The following AMBRA1 variants were observed in gnomAD, a reference collection of about 807,000 sequenced individuals.
AMBRA1 encodes autophagy and beclin 1 regulator 1.
A neutral mutation model predicts 125.4 loss-of-function variants in AMBRA1; 47 were observed. The ratio of observed to expected loss-of-function variants is 0.37; its 90% CI spans 0.30 to 0.48. The LOEUF is 0.48. AMBRA1 is among the 20% of genes least tolerant of loss of function. The probability of loss-of-function intolerance (pLI) is 0.99; values close to 1 mark genes in which losing one functional copy is unlikely to be tolerated. For synonymous variants in AMBRA1, 626 were observed against 655.5 expected (o/e 0.95, Z 0.69); for missense variants, 1,331 against 1,693.4 (o/e 0.79, Z 3.76).
At chr11:46,473,382 T>G (rs1351984682) in intron 11 of AMBRA1, among the ~76,000 whole-genome samples, 1 of 152,208 alleles carries the variant, frequency 6.6e-6, no homozygotes, top group Non-Finnish European at 1.5e-5. Flanking sequence ...TTTAGGTGTG[T>G]TTAAGTGACA....
intron 7 of AMBRA1, among the ~76,000 whole-genome samples, chr11:46,536,803 A>C (rs1356477354): frequency 2.0e-5 from 3 of 152,252 alleles, no homozygotes; most frequent in Non-Finnish European, 1.5e-5. Flanking sequence ...TAAGAAACTT[A>C]GCAATCCAAT....
At chr11:46,487,618 T>A (rs912785598) in intron 11 of AMBRA1, among the ~76,000 whole-genome samples, 1 of 152,160 alleles carries the variant, frequency 6.6e-6, no homozygotes, top group Non-Finnish European at 1.5e-5. Flanking sequence ...AATGTTTCTA[T>A]ATCTTACCAG....
At chr11:46,476,291 T>C (rs901728412) in intron 11 of AMBRA1, among the ~76,000 whole-genome samples, 1 of 152,158 alleles carries the variant, frequency 6.6e-6, no homozygotes, top group African/African-American at 2.4e-5. Context: ...AGTCTCAGGG[T>C]TGGCAGGTGA....
At chr11:46,429,441 T>TG (rs1471318368) in intron 14 of AMBRA1, among the ~76,000 whole-genome samples, 46 of 152,120 alleles carry the variant, frequency 3.0e-4, no homozygotes, top group Admixed American at 2.5e-3. Flanking sequence ...TATTGGGAGG[T>TG]GGGGGGGTGG....
intron 11 of AMBRA1, among the ~76,000 whole-genome samples, chr11:46,486,869 G>A (rs953922461): frequency 5.9e-5 from 9 of 151,814 alleles, no homozygotes; most frequent in African/African-American, 9.7e-5. Context: ...TCGTGCCACT[G>A]CACTCCAGCC....
rs567373838 is a variant in AMBRA1, at chr11:46,528,780, C to T, written c.2072+13165G>A. Among the ~76,000 whole-genome samples the T allele has an allele frequency of 1.2e-4, 18 of 152,188 alleles. No homozygotes were observed. The South Asian group carries it at 1.7e-3, about 14-fold the overall frequency. On this transcript the variant is annotated intron_variant, in intron 7 of 17. Coordinates refer to ENST00000683756, the MANE Select transcript of AMBRA1 (RefSeq NM_001387011.1). Reference sequence around the variant, plus strand: ...TGTTATGTTTTCTATCACAGACACACGTACACGAAGATAAAAAGGGTTACA... The same window carrying T: ...TGTTATGTTTTCTATCACAGACACATGTACACGAAGATAAAAAGGGTTACA...
In AMBRA1 at chr11:46,545,775, C is replaced by A; in HGVS notation, c.380G>T (p.Gly127Val). Reference protein sequence around the residue: ...DGEVRIWDLHGGSESWFTDSN... With the variant: ...DGEVRIWDLHVGSESWFTDSN... ...ATCTGTGAACCAGCTTTCACTGCCA[C>A]CCTGTGAATGAACCAATTCCAGATA... The change falls in exon 5 of 18, where the codon GGT becomes GTT. Residue 127 changes from glycine to valine, a missense_variant and splice_region_variant. Coordinates refer to ENST00000683756, the MANE Select transcript of AMBRA1 (RefSeq NM_001387011.1). 6.2e-7 allele frequency: 1 copy of A among 1,613,750 alleles called. No homozygotes were observed. The highest frequency in any genetic ancestry group is 8.5e-7 in the Non-Finnish European group (1 of 1,179,764).
chr11:46,441,721 C>T (rs1232211603), intron 12 of AMBRA1, among the ~76,000 whole-genome samples: 3 of 152,056 alleles, frequency 2.0e-5, no homozygotes, highest in African/African-American at 7.2e-5. Flanking sequence ...TTCTGCCCTC[C>T]TCCACTGAAA....
rs537234459 is a variant in AMBRA1, at chr11:46,511,105, C to A, written c.2159+1622G>T. Among the ~76,000 whole-genome samples, 5 of 152,278 alleles carry A rather than the reference C, an allele frequency of 3.3e-5. No individual in the cohort carries two copies. In the East Asian group the frequency reaches 9.6e-4, roughly 29 times the overall value. On this transcript the variant is annotated intron_variant, in intron 8 of 17. Coordinates refer to ENST00000683756, the MANE Select transcript of AMBRA1 (RefSeq NM_001387011.1). ...TTTATTATATAAAAGGAGGATAAATCATGGTCGTTAAGTATCCTTGTAGAA... is the reference window on the plus strand; with the variant it reads ...TTTATTATATAAAAGGAGGATAAATAATGGTCGTTAAGTATCCTTGTAGAA...
chr11:46,528,911 A>C (rs1952096267), intron 7 of AMBRA1, among the ~76,000 whole-genome samples: 1 of 152,184 alleles, frequency 6.6e-6, no homozygotes, highest in Non-Finnish European at 1.5e-5. Context: ...ACCTCTGTGT[A>C]GGGGAGGAAA....
intron 4 of AMBRA1, 26 bp downstream of exon 4, chr11:46,547,087 A>G (rs201599930): frequency 3.2e-6 from 5 of 1,567,014 alleles, no homozygotes; most frequent in Non-Finnish European, 3.4e-6. Context: ...CACCAAAAGA[A>G]AAGGGTATCT....
chr11:46,454,238 T>C lies in AMBRA1; in HGVS notation c.2522-10640A>G, dbSNP rs1217948165. Among the ~76,000 whole-genome samples, 4 of 151,878 alleles carry C rather than the reference T, an allele frequency of 2.6e-5. No individual in the cohort carries two copies. The East Asian group carries it at 7.9e-4, about 30-fold the overall frequency. ...GAGACGGGGTCTTGCTGTGTTGCCC[T>C]AGCTGATCTCAAACTCCTGGGCTCA... On this transcript the variant is annotated intron_variant, in intron 11 of 17. Coordinates refer to ENST00000683756, the MANE Select transcript of AMBRA1 (RefSeq NM_001387011.1).
At position 46,543,068 on chromosome 11, in the gene AMBRA1, T is replaced by C. The variant is rs1209882990; in HGVS notation, c.949A>G (p.Thr317Ala). The change falls in exon 7 of 18, where the codon ACT becomes GCT. Residue 317 changes from threonine to alanine, a missense_variant. Physicochemically the swap from Thr to Ala is moderately conservative, Grantham distance 58 (BLOSUM62 0). This residue lies in a region of AMBRA1 where 689 missense variants were observed against 776.5 expected (regional missense o/e 0.89). Coordinates refer to ENST00000683756, the MANE Select transcript of AMBRA1 (RefSeq NM_001387011.1). ...ILCLCSRCSG[T>A]RVPSLLPHQD... is the part of the protein sequence containing the mutation. ...TGTGGCAAGAGGGAAGGAACTCGAG[T>C]GCCAGAGCAGCGGCTGCAAAGGCAC... is the stretch of plus-strand genomic sequence containing the variant. 1.3e-6 allele frequency: 2 copies of C among 1,596,972 alleles called. No homozygotes were observed. Among genetic ancestry groups the C allele is most frequent in the Admixed American group, 3.4e-5 (2 of 59,460 alleles).
Position 46,498,192 on chromosome 11 carries a change from G to A in AMBRA1, c.2340-3988C>T, listed in dbSNP as rs773384949. Among the ~76,000 whole-genome samples the A allele has an allele frequency of 6.6e-5, 10 of 152,150 alleles. 1 individual carries two copies. The highest frequency in any genetic ancestry group is 2.6e-4 in the Admixed American group (4 of 15,272). On this transcript the variant is annotated intron_variant, in intron 9 of 17. Coordinates refer to ENST00000683756, the MANE Select transcript of AMBRA1 (RefSeq NM_001387011.1). ...CCAGACAGTTTAGGAACAGTGAAGGGTGCTAAATACCGGGCTCTAACAACA... is the reference window on the plus strand; with the variant it reads ...CCAGACAGTTTAGGAACAGTGAAGGATGCTAAATACCGGGCTCTAACAACA...
At chr11:46,463,861 C>T (rs905583195) in intron 11 of AMBRA1, among the ~76,000 whole-genome samples, 2 of 152,164 alleles carry the variant, frequency 1.3e-5, no homozygotes. Context: ...CAAAAAAATT[C>T]CTGCTCTGGC....
At chr11:46,418,377 AATAT>A (rs1380893282) in intron 14 of AMBRA1, among the ~76,000 whole-genome samples, 3 of 142,614 alleles carry the variant, frequency 2.1e-5, no homozygotes, top group African/African-American at 7.7e-5. Flanking sequence ...TTTATATATA[AATAT>A]ATATATTTAT....
intron 7 of AMBRA1, among the ~76,000 whole-genome samples, chr11:46,536,633 CA>C (rs1371400624): frequency 6.6e-6 from 1 of 152,230 alleles, no homozygotes; most frequent in African/African-American, 2.4e-5. Flanking sequence ...ATCAGCCCCG[CA>C]GACACCCATT....
chr11:46,585,416 C>T (rs960687384), intron 1 of AMBRA1, among the ~76,000 whole-genome samples: 4 of 150,182 alleles, frequency 2.7e-5, no homozygotes, highest in African/African-American at 9.8e-5. Context: ...ACTTGTAATC[C>T]CAGCACTTTG....
intron 17 of AMBRA1, among the ~76,000 whole-genome samples, chr11:46,399,242 T>G (rs1295280247): frequency 6.6e-6 from 1 of 151,586 alleles, no homozygotes; most frequent in African/African-American, 2.4e-5. Context: ...CCCAGCTAAT[T>G]TTTGTATTTT....
Sources: allele counts gnomAD v4.1 joint callset (sites outside exome capture counted in the v4.1 genomes callset), GRCh38; gene constraint gnomAD v4.1.1; regional missense constraint gnomAD v4.1.1; transcripts MANE v1.5; gene names NCBI Gene and HGNC (gene_info 2026-07-23, HGNC 2026-07-21).